The following GALNT2 variants were observed in gnomAD, a reference collection of about 807,000 sequenced individuals.
GALNT2 encodes the protein polypeptide N-acetylgalactosaminyltransferase 2, also known as UDP-GalNAc:polypeptide N-acetylgalactosaminyltransferase 2.
Under a neutral mutation model 81.4 loss-of-function variants are expected in GALNT2, and 31 were observed. That is an observed-to-expected ratio of 0.38 (90% CI 0.29 to 0.51). The LOEUF (loss-of-function observed/expected upper bound fraction) is 0.51. GALNT2 is among the 20% of genes least tolerant of loss of function. GALNT2 has a pLI of 0.87. For synonymous variants in GALNT2, 303 were observed against 287.4 expected (o/e 1.05, Z -0.55); for missense variants, 629 against 765.7 (o/e 0.82, Z 2.11).
intron 2 of GALNT2, among the ~76,000 whole-genome samples, chr1:230,198,904 A>G (rs989882063): frequency 6.6e-6 from 1 of 152,090 alleles, no homozygotes; most frequent in African/African-American, 2.4e-5. Context: ...TTCTTTTCTC[A>G]TGTTATTTAA....
chr1:230,091,115 C>G (rs1399914868), intron 1 of GALNT2, among the ~76,000 whole-genome samples: 1 of 151,954 alleles, frequency 6.6e-6, no homozygotes, highest in Non-Finnish European at 1.5e-5. Context: ...GTTGCCCAGG[C>G]TGGAGTACAG....
At chr1:230,086,704 G>T (rs1036415133) in intron 1 of GALNT2, among the ~76,000 whole-genome samples, 19 of 152,118 alleles carry the variant, frequency 1.2e-4, no homozygotes, top group Non-Finnish European at 1.9e-4. Flanking sequence ...AATCTCCTGG[G>T]TTGGATCTCT....
At chr1:230,249,930 T>A (rs763731328) in intron 9 of GALNT2, among the ~76,000 whole-genome samples, 1 of 152,192 alleles carries the variant, frequency 6.6e-6, no homozygotes. Context: ...AGTAGGGAGC[T>A]CAGTGTACAT....
intron 1 of GALNT2, among the ~76,000 whole-genome samples, chr1:230,095,847 G>T (rs1660240512): frequency 6.6e-6 from 1 of 152,256 alleles, no homozygotes; most frequent in African/African-American, 2.4e-5. Flanking sequence ...ACCGTGTGGG[G>T]TTGCCTGGAG....
At chr1:230,219,997 A>G (rs1664498508) in intron 3 of GALNT2, among the ~76,000 whole-genome samples, 2 of 152,234 alleles carry the variant, frequency 1.3e-5, no homozygotes, top group African/African-American at 2.4e-5. Flanking sequence ...GTAATTAGAC[A>G]GTTCTCTAAT....
At chr1:230,186,278 C>T (rs892382625) in intron 2 of GALNT2, among the ~76,000 whole-genome samples, 5 of 152,138 alleles carry the variant, frequency 3.3e-5, no homozygotes, top group African/African-American at 4.8e-5. Context: ...CCTCCCCATG[C>T]GTTGTCCCAC....
chr1:230,139,805 T>G (rs1382974651), intron 1 of GALNT2, among the ~76,000 whole-genome samples: 1 of 152,238 alleles, frequency 6.6e-6, no homozygotes, highest in Non-Finnish European at 1.5e-5. Context: ...CCTATGAAGA[T>G]TACTCAGGTT....
intron 1 of GALNT2, among the ~76,000 whole-genome samples, chr1:230,126,982 G>A (rs1207454566): frequency 6.6e-6 from 1 of 152,162 alleles, no homozygotes; most frequent in Admixed American, 6.5e-5. Flanking sequence ...TCAGTCTGGC[G>A]GTTTCCTCTT....
At chr1:230,063,095 G>C (rs1172069273), upstream of GALNT2, among the ~76,000 whole-genome samples, 2 of 152,090 alleles carry the variant, frequency 1.3e-5, no homozygotes, top group African/African-American at 4.8e-5. Context: ...GGTGGATCAT[G>C]AGGTCAGGAG....
At chr1:230,077,347 A>T (rs1219377297) in intron 1 of GALNT2, among the ~76,000 whole-genome samples, 1 of 152,098 alleles carries the variant, frequency 6.6e-6, no homozygotes. Flanking sequence ...TTCCTGTCTC[A>T]CTTTTGATCA....
upstream of GALNT2, among the ~76,000 whole-genome samples, chr1:230,062,427 C>T (rs1659070756): frequency 6.6e-6 from 1 of 152,116 alleles, no homozygotes; most frequent in Admixed American, 6.5e-5. Flanking sequence ...AATTCTGTGC[C>T]ATTAAGTACA....
chr1:230,226,932 A>C lies in GALNT2; in HGVS notation c.375-9082A>C, dbSNP rs118072988. On this transcript the variant is annotated intron_variant, in intron 3 of 15. Transcript: ENST00000366672. ...AGGAAATAAGGAAGGTAAAAGAAGAAATTAATGAACTAAAAATCCAGTGGA... is the reference window on the plus strand; with the variant it reads ...AGGAAATAAGGAAGGTAAAAGAAGACATTAATGAACTAAAAATCCAGTGGA... 9.2e-5 allele frequency among the ~76,000 whole-genome samples: 14 copies of C among 152,358 alleles called. No individual in the cohort carries two copies. The East Asian group carries it at 2.1e-3, about 23-fold the overall frequency.
intron 2 of GALNT2, among the ~76,000 whole-genome samples, chr1:230,183,753 A>G (rs1292673846): frequency 6.6e-6 from 1 of 152,146 alleles, no homozygotes; most frequent in Non-Finnish European, 1.5e-5. Context: ...CGAGGCAGGC[A>G]GATCACCTGA....
intron 1 of GALNT2, among the ~76,000 whole-genome samples, chr1:230,076,053 C>T (rs1659545050): frequency 6.6e-6 from 1 of 152,166 alleles, no homozygotes; most frequent in Non-Finnish European, 1.5e-5. Flanking sequence ...CTGTAGACAT[C>T]TTGGTCACCT....
chr1:230,275,005 G>GCTACATATATACATATATACATT lies in GALNT2; in HGVS notation c.1560+442_1560+443insTACATATATACATATATACATTC, dbSNP rs1666249077. Among the ~76,000 whole-genome samples the GCTACATATATACATATATACATT allele has an allele frequency of 6.7e-6, 1 of 149,802 alleles. No homozygotes were observed. ...ATGCTACATATATACATATATACAT[G>GCTACATATATACATATATACATT]CCACATATATACATATATACACGCC... On this transcript the variant is annotated intron_variant, in intron 15 of 15. Coordinates refer to ENST00000366672, the MANE Select transcript of GALNT2 (RefSeq NM_004481.5). The surrounding 1 kb of genome is among the most constrained non-coding windows in gnomAD (Gnocchi z 5.5).
chr1:230,188,294 G>A (rs938857962), intron 2 of GALNT2, among the ~76,000 whole-genome samples: 2 of 152,138 alleles, frequency 1.3e-5, no homozygotes, highest in Admixed American at 6.5e-5. Flanking sequence ...TTGGTTCATC[G>A]TACTTTGGGG....
chr1:230,109,417 G>T (rs1483157216), intron 1 of GALNT2, among the ~76,000 whole-genome samples: 2 of 152,208 alleles, frequency 1.3e-5, no homozygotes, highest in East Asian at 3.8e-4. Flanking sequence ...CCTGTCACAC[G>T]AACAGGTTCT....
rs549455653 is a variant in GALNT2, at chr1:230,108,977, T to G, written c.126+41571T>G. On this transcript the variant is annotated intron_variant, in intron 1 of 15. Coordinates refer to ENST00000366672, the MANE Select transcript of GALNT2 (RefSeq NM_004481.5). Reference sequence around the variant, plus strand: ...GAGCCATGGTAAGTTGGAGACCATCTGAATAACAGGATGAGATGTAGAGCA... The same window carrying G: ...GAGCCATGGTAAGTTGGAGACCATCGGAATAACAGGATGAGATGTAGAGCA... Among the ~76,000 whole-genome samples the G allele has an allele frequency of 9.8e-5, 15 of 152,352 alleles. 1 individual carries two copies. In the South Asian group the frequency reaches 2.1e-3, roughly 21 times the overall value.
chr1:230,263,113 G>A, intron 13 of GALNT2, 108 bp downstream of exon 13: 4 of 884,990 alleles, frequency 4.5e-6, no homozygotes, highest in Non-Finnish European at 7.3e-6. Flanking sequence ...ATGAGATTGG[G>A]CACCTGGGCC....
Sources: gnomAD v4.1 joint callset for allele counts (sites outside exome capture counted in the v4.1 genomes callset) on GRCh38, gnomAD v4.1.1 for gene constraint, Gnocchi (gnomAD v3.1) non-coding constraint, MANE v1.5 for transcripts, NCBI Gene and HGNC (gene_info 2026-07-23, HGNC 2026-07-21) for gene names.